The following POLI variants were observed in gnomAD, a reference collection of about 807,000 sequenced individuals.
POLI encodes RAD30 homolog B.
In POLI, 58 loss-of-function variants were observed where a neutral mutation model predicts 51.6. The observed-to-expected ratio is 1.12, with a 90% CI of 0.91 to 1.40. The LOEUF (loss-of-function observed/expected upper bound fraction) is 1.40. POLI is among the 40% of genes most tolerant of loss of function. The probability of loss-of-function intolerance (pLI) is 0.00; values close to 1 mark genes in which losing one functional copy is unlikely to be tolerated. For synonymous variants in POLI, 322 were observed against 299.7 expected (o/e 1.07, Z -0.77); for missense variants, 921 against 871.3 (o/e 1.06, Z -0.72).
At chr18:54,306,884 G>C (rs1239111795) in intron 3 of POLI, among the ~76,000 whole-genome samples, 2 of 152,138 alleles carry the variant, frequency 1.3e-5, no homozygotes, top group Non-Finnish European at 2.9e-5. Flanking sequence ...AGTATTCTCT[G>C]ATGGTAGTTT....
intron 1 of POLI, chr18:54,270,403 C>G (rs1428072105): frequency 1.3e-5 from 2 of 152,234 alleles, no homozygotes; most frequent in African/African-American, 4.8e-5. Context: ...CACAAGCGAT[C>G]CTTCCACCTC....
chr18:54,303,044 A>G (rs1290842371), downstream of POLI, among the ~76,000 whole-genome samples: 1 of 152,248 alleles, frequency 6.6e-6, no homozygotes, highest in Non-Finnish European at 1.5e-5. Context: ...GTGGATGTCC[A>G]GTATTTGTGA....
chr18:54,278,738 G>A (rs1454763781), intron 4 of POLI, among the ~76,000 whole-genome samples: 1 of 152,226 alleles, frequency 6.6e-6, no homozygotes, highest in African/African-American at 2.4e-5. Context: ...GTAAGCACCA[G>A]TGAATATCTG....
intron 3 of POLI, among the ~76,000 whole-genome samples, chr18:54,312,333 T>C (rs1398014886): frequency 1.3e-5 from 2 of 152,206 alleles, no homozygotes; most frequent in African/African-American, 2.4e-5. Flanking sequence ...TATGCCATAT[T>C]ATCTTTATCG....
intron 3 of POLI, among the ~76,000 whole-genome samples, chr18:54,306,226 C>T (rs956164168): frequency 6.6e-6 from 1 of 152,040 alleles, no homozygotes; most frequent in African/African-American, 2.4e-5. Flanking sequence ...CTAAATAGCT[C>T]TTATTATTTT....
downstream of POLI, among the ~76,000 whole-genome samples, chr18:54,299,124 T>C (rs1428007026): frequency 6.6e-6 from 1 of 152,144 alleles, no homozygotes; most frequent in East Asian, 1.9e-4. Flanking sequence ...GGCAAAGTAG[T>C]GTAACACAAA....
intron 3 of POLI, among the ~76,000 whole-genome samples, chr18:54,304,829 C>T (rs1599273113): frequency 6.6e-6 from 1 of 152,164 alleles, no homozygotes; most frequent in South Asian, 2.1e-4. Flanking sequence ...GACATGAAGT[C>T]CTTGCCCATG....
intron 3 of POLI, among the ~76,000 whole-genome samples, chr18:54,313,589 T>C (rs2088697145): frequency 6.6e-6 from 1 of 152,240 alleles, no homozygotes; most frequent in African/African-American, 2.4e-5. Context: ...TCAATGAGCA[T>C]GGAATGTGTT....
chr18:54,292,923 A>G (rs755079061), intron 9 of POLI, among the ~76,000 whole-genome samples: 81 of 152,252 alleles, frequency 5.3e-4, no homozygotes, highest in Non-Finnish European at 9.9e-4. Context: ...AAAAGTAAAT[A>G]TAAGTGAAAG....
chr18:54,298,602 T>C (rs866598569), downstream of POLI, among the ~76,000 whole-genome samples: 17 of 149,944 alleles, frequency 1.1e-4, no homozygotes, highest in Non-Finnish European at 1.3e-4. Context: ...TTTTTTTTTT[T>C]TTTTTTGAGA....
At chr18:54,312,026 T>G (rs963345515) in intron 3 of POLI, among the ~76,000 whole-genome samples, 2 of 152,182 alleles carry the variant, frequency 1.3e-5, no homozygotes, top group African/African-American at 4.8e-5. Flanking sequence ...ATGCTGATAT[T>G]TGGAGTACAA....
intron 2 of POLI, among the ~76,000 whole-genome samples, chr18:54,273,714 T>G (rs563541119): frequency 9.5e-4 from 145 of 152,244 alleles, no homozygotes; most frequent in African/African-American, 3.4e-3. Context: ...TGGTATATTA[T>G]AATTCATAAT....
chr18:54,270,453 T>G (rs535990143), intron 1 of POLI: 87 of 152,386 alleles, frequency 5.7e-4, no homozygotes, highest in African/African-American at 2.0e-3. Flanking sequence ...TTAGCCATCG[T>G]GCCTGGCCTT....
chr18:54,280,175 T>G (rs1298661398), intron 4 of POLI, among the ~76,000 whole-genome samples: 1 of 152,140 alleles, frequency 6.6e-6, no homozygotes, highest in African/African-American at 2.4e-5. Flanking sequence ...ACTGGGTAAT[T>G]TATAAAGAAA....
chr18:54,294,942 A>G lies in POLI; in HGVS notation c.*475A>G, dbSNP rs2088239750. ...AGTTTTGACTAAAGTACTACATTAC[A>G]TTTAGTATGTTGACTTTTAAAATAC... is the stretch of plus-strand genomic sequence containing the variant. On this transcript the variant is annotated 3_prime_UTR_variant, in exon 10 of 10. Transcript: ENST00000579534. 2.0e-6 allele frequency: 2 copies of G among 977,188 alleles called. No homozygotes were observed. The highest frequency in any genetic ancestry group is 2.4e-6 in the Non-Finnish European group (2 of 822,468). 60.5% of individuals were successfully genotyped at this position (977,188 alleles called of 1,614,324 possible).
chr18:54,294,814 CAT>C lies in POLI; in HGVS notation c.*348_*349del, dbSNP rs1491159939. On this transcript the variant is annotated 3_prime_UTR_variant, in exon 10 of 10. Coordinates refer to ENST00000579534, the MANE Select transcript of POLI (RefSeq NM_007195.3). ...CGTTGCAATGATATGGTAAAGGACA[CAT>C]TTTTTTTTTTTTTTTCCTGTGAAAT... is the stretch of plus-strand genomic sequence containing the variant. The C allele has an allele frequency of 1.1e-5, 9 of 828,504 alleles. No homozygotes were observed. In the African/African-American group the frequency reaches 1.8e-4, roughly 17 times the overall value. 51.3% of individuals were successfully genotyped at this position (828,504 alleles called of 1,614,324 possible). A position where few individuals can be genotyped will look rare whatever the true frequency, so the allele number is the denominator to read the frequency against.
intron 1 of POLI, chr18:54,269,961 C>T (rs1221351107): frequency 1.7e-6 from 2 of 1,152,314 alleles, no homozygotes; most frequent in Non-Finnish European, 2.1e-6. Flanking sequence ...GCCAGCCCGA[C>T]GAAAACTGCA....
intron 3 of POLI, among the ~76,000 whole-genome samples, chr18:54,304,070 G>A (rs888186760): frequency 1.3e-5 from 2 of 152,034 alleles, no homozygotes; most frequent in Non-Finnish European, 2.9e-5. Context: ...CTTCATCCAC[G>A]TCCCTACAAA....
At chr18:54,273,237 C>T (rs1421489339) in intron 2 of POLI, among the ~76,000 whole-genome samples, 2 of 151,644 alleles carry the variant, frequency 1.3e-5, no homozygotes, top group African/African-American at 2.4e-5. Flanking sequence ...CTGTTAGATC[C>T]CTAAAAATTG....
Sources: allele counts gnomAD v4.1 joint callset (sites outside exome capture counted in the v4.1 genomes callset), GRCh38; gene constraint gnomAD v4.1.1; transcripts MANE v1.5; gene names NCBI Gene and HGNC (gene_info 2026-07-23, HGNC 2026-07-21).